MACROD2: variants seen among roughly 807,000 people sequenced by gnomAD.
MACROD2 encodes mono-ADP ribosylhydrolase 2, also known as ADP-ribose glycohydrolase MACROD2.
MACROD2 carries 36 observed loss-of-function variants against 70.4 expected under a neutral mutation model. The ratio of observed to expected loss-of-function variants is 0.51; its 90% confidence interval spans 0.39 to 0.68. The LOEUF (loss-of-function observed/expected upper bound fraction) is 0.68, where lower values mean the gene tolerates loss of function less well. MACROD2 is among the 30% of genes least tolerant of loss of function. MACROD2 has a pLI of 0.00. For synonymous variants in MACROD2, 172 were observed against 178.8 expected (o/e 0.96, Z 0.30); for missense variants, 496 against 538.4 (o/e 0.92, Z 0.78).
At chr20:14,822,769 G>GATAATTATT (rs1263804631) in intron 5 of MACROD2, among the ~76,000 whole-genome samples, 40 of 152,018 alleles carry the variant, frequency 2.6e-4, no homozygotes, top group African/African-American at 9.4e-4. Context: ...TAGAGTTTTC[G>GATAATTATT]ATAATTATTA....
intron 6 of MACROD2, among the ~76,000 whole-genome samples, chr20:15,334,342 T>G (rs2078025583): frequency 6.6e-6 from 1 of 151,550 alleles, no homozygotes; most frequent in South Asian, 2.1e-4. Context: ...CTCACCAACA[T>G]AGATTTTTAT....
At chr20:14,607,159 G>A (rs971513741) in intron 4 of MACROD2, among the ~76,000 whole-genome samples, 8 of 152,238 alleles carry the variant, frequency 5.3e-5, no homozygotes, top group African/African-American at 1.9e-4. Flanking sequence ...TTTCAACAAT[G>A]TGCAGAGAAG....
chr20:15,666,665 A>G (rs6110720), intron 8 of MACROD2, among the ~76,000 whole-genome samples: 9,350 of 152,142 alleles, frequency 0.061, 566 homozygotes, highest in East Asian at 0.17. Flanking sequence ...TTCAATAAAT[A>G]TTTTCCATGT....
chr20:14,761,056 C>T (rs935314770), intron 5 of MACROD2, among the ~76,000 whole-genome samples: 6 of 152,068 alleles, frequency 3.9e-5, no homozygotes, highest in African/African-American at 9.7e-5. Flanking sequence ...TCGCACAGCT[C>T]AGTCTATTGA....
At chr20:16,010,651 G>A (rs2066851375) in intron 15 of MACROD2, among the ~76,000 whole-genome samples, 1 of 152,172 alleles carries the variant, frequency 6.6e-6, no homozygotes, top group African/African-American at 2.4e-5. Flanking sequence ...TCCAAGGTGT[G>A]GTGTGCTGAT....
chr20:14,118,893 T>A (rs2054545724), intron 3 of MACROD2, among the ~76,000 whole-genome samples: 1 of 150,706 alleles, frequency 6.6e-6, no homozygotes, highest in African/African-American at 2.4e-5. Context: ...TTACCCAGAT[T>A]GGAGTGCAAT....
At chr20:15,209,213 T>C (rs940031297) in intron 5 of MACROD2, among the ~76,000 whole-genome samples, 2 of 151,952 alleles carry the variant, frequency 1.3e-5, no homozygotes, top group Admixed American at 6.6e-5. Flanking sequence ...TGAAATCTGT[T>C]AGGCAAAAAG....
intron 4 of MACROD2, among the ~76,000 whole-genome samples, chr20:14,595,294 G>GA (rs1044270809): frequency 6.6e-6 from 1 of 151,978 alleles, no homozygotes; most frequent in African/African-American, 2.4e-5. Context: ...GGACGAAAAG[G>GA]AAAAAAATAC....
At chr20:14,497,526 A>AT (rs1448185495) in intron 4 of MACROD2, among the ~76,000 whole-genome samples, 1 of 151,676 alleles carries the variant, frequency 6.6e-6, no homozygotes, top group Non-Finnish European at 1.5e-5. Flanking sequence ...ACGGTCTCTT[A>AT]CTTTAGATAA....
intron 3 of MACROD2, among the ~76,000 whole-genome samples, chr20:14,164,224 G>T (rs1272071950): frequency 2.9e-4 from 44 of 152,098 alleles, no homozygotes; most frequent in Admixed American, 2.9e-3. Context: ...CAGCATCAGT[G>T]GTGTCTGTGA....
intron 5 of MACROD2, among the ~76,000 whole-genome samples, chr20:14,912,872 C>T (rs1169591591): frequency 6.6e-6 from 1 of 152,170 alleles, no homozygotes; most frequent in Non-Finnish European, 1.5e-5. Flanking sequence ...TGTGGGGGCT[C>T]ATCTATGCCC....
chr20:15,635,753 T>G (rs1026475725), intron 8 of MACROD2, among the ~76,000 whole-genome samples: 8 of 152,110 alleles, frequency 5.3e-5, no homozygotes, highest in African/African-American at 1.9e-4. Flanking sequence ...AAATTATTTT[T>G]TAAAACCCCA....
chr20:14,405,025 TA>T (rs1216294196), intron 3 of MACROD2, among the ~76,000 whole-genome samples: 2 of 152,126 alleles, frequency 1.3e-5, no homozygotes, highest in Non-Finnish European at 2.9e-5. Flanking sequence ...GATTGTGTCA[TA>T]AAAAATAAAA....
chr20:14,243,868 C>T lies in MACROD2; in HGVS notation c.271+158140C>T, dbSNP rs193031907. Reference sequence around the variant, plus strand: ...TAAGCTCATGGAAACTCTGAAATTCCATATAAGTTGTTTTATCAAGTCGTA... The same window carrying T: ...TAAGCTCATGGAAACTCTGAAATTCTATATAAGTTGTTTTATCAAGTCGTA... On this transcript the variant is annotated intron_variant, in intron 3 of 17. Transcript: ENST00000684519. 3.6e-3 allele frequency among the ~76,000 whole-genome samples: 544 copies of T among 152,204 alleles called. 1 individual carries two copies. Among genetic ancestry groups the T allele is most frequent in the Non-Finnish European group, 5.8e-3 (392 of 68,026 alleles).
At chr20:15,056,567 A>G (rs1027998640) in intron 5 of MACROD2, among the ~76,000 whole-genome samples, 1 of 151,946 alleles carries the variant, frequency 6.6e-6, no homozygotes, top group African/African-American at 2.4e-5. Flanking sequence ...TTCCCCTTCC[A>G]CTCAAACTAC....
At chr20:14,781,584 T>A (rs914199850) in intron 5 of MACROD2, among the ~76,000 whole-genome samples, 4 of 151,162 alleles carry the variant, frequency 2.6e-5, no homozygotes. Context: ...ACTTCAGTTA[T>A]AGCTTTTTGG....
intron 4 of MACROD2, among the ~76,000 whole-genome samples, chr20:14,542,196 A>G (rs77179143): frequency 6.6e-6 from 1 of 152,078 alleles, no homozygotes; most frequent in Admixed American, 6.6e-5. Flanking sequence ...TCTTTCCCTC[A>G]CCGCACTCCT....
chr20:15,494,234 G>T (rs1206342361), intron 7 of MACROD2, among the ~76,000 whole-genome samples: 1 of 152,090 alleles, frequency 6.6e-6, no homozygotes, highest in Non-Finnish European at 1.5e-5. Flanking sequence ...TATACTTCTG[G>T]TGGGAGTGTT....
At chr20:15,014,980 C>A (rs1280004160) in intron 5 of MACROD2, among the ~76,000 whole-genome samples, 1 of 151,936 alleles carries the variant, frequency 6.6e-6, no homozygotes, top group African/African-American at 2.4e-5. Flanking sequence ...GCGAGACCAG[C>A]ACCTATTCGT....
Sources: allele counts gnomAD v4.1 joint callset (sites outside exome capture counted in the v4.1 genomes callset), GRCh38; gene constraint gnomAD v4.1.1; transcripts MANE v1.5; gene names NCBI Gene and HGNC (gene_info 2026-07-23, HGNC 2026-07-21).